TOX2: variants seen among roughly 807,000 people sequenced by gnomAD.
The protein encoded by TOX2 is granulosa cell HMG box 1.
TOX2 carries 15 observed loss-of-function variants against 47.4 expected under a neutral mutation model. The ratio of observed to expected loss-of-function variants is 0.32; its 90% confidence interval spans 0.21 to 0.49. The LOEUF (loss-of-function observed/expected upper bound fraction) is 0.49. Ranked by LOEUF, TOX2 falls within the 20% of genes least tolerant of loss-of-function variation. The pLI is 0.99. For synonymous variants in TOX2, 290 were observed against 296.6 expected (o/e 0.98, Z 0.23); for missense variants, 622 against 673.1 (o/e 0.92, Z 0.84).
chr20:43,932,777 C>CG (rs1569008758), intron 1 of TOX2, among the ~76,000 whole-genome samples: 10 of 139,506 alleles, frequency 7.2e-5, no homozygotes, highest in Admixed American at 2.1e-4. Context: ...GGTTGCTGCC[C>CG]CCCCCCGCCA....
intron 3 of TOX2, among the ~76,000 whole-genome samples, chr20:44,008,064 T>C (rs570527969): frequency 1.3e-4 from 20 of 152,066 alleles, no homozygotes; most frequent in Non-Finnish European, 2.8e-4. Context: ...AAAGAACCTT[T>C]CCCAGGTTGG....
intron 3 of TOX2, among the ~76,000 whole-genome samples, chr20:44,032,202 G>A (rs575262829): frequency 6.6e-6 from 1 of 152,212 alleles, no homozygotes; most frequent in Admixed American, 6.5e-5. Context: ...AGTATCCCCT[G>A]CTGGGTGGGG....
At chr20:43,969,366 T>C (rs2069920958) in intron 1 of TOX2, among the ~76,000 whole-genome samples, 1 of 152,204 alleles carries the variant, frequency 6.6e-6, no homozygotes, top group African/African-American at 2.4e-5. Flanking sequence ...TGGGTGTAGA[T>C]GTGGGTGTTT....
intron 1 of TOX2, among the ~76,000 whole-genome samples, chr20:43,943,213 G>A (rs2069423354): frequency 6.6e-6 from 1 of 152,164 alleles, no homozygotes; most frequent in African/African-American, 2.4e-5. Flanking sequence ...CCTGTGGATG[G>A]TACGATCACA....
At chr20:43,917,491 G>T (rs1468629848) in intron 1 of TOX2, among the ~76,000 whole-genome samples, 1 of 152,188 alleles carries the variant, frequency 6.6e-6, no homozygotes, top group Non-Finnish European at 1.5e-5. Flanking sequence ...GGCTCTGTCC[G>T]CAGACAAGAG....
intron 3 of TOX2, among the ~76,000 whole-genome samples, chr20:44,010,145 C>G (rs78734154): frequency 0.014 from 2,074 of 152,218 alleles, 61 homozygotes; most frequent in African/African-American, 0.048. Flanking sequence ...CAGTGTTTTC[C>G]CTTAAGTCTC....
At chr20:43,973,550 C>T in intron 2 of TOX2, 118 bp downstream of exon 2, 2 of 804,166 alleles carry the variant, frequency 2.5e-6, no homozygotes, top group South Asian at 3.0e-5. Context: ...CTGCTGTCTT[C>T]TCTCTGAATG....
chr20:44,006,894 A>G (rs936432829), intron 3 of TOX2, 102 bp downstream of exon 3: 2 of 1,457,108 alleles, frequency 1.4e-6, no homozygotes, highest in African/African-American at 1.4e-5. Flanking sequence ...CTCTCTGCTC[A>G]TGGGCAGGGT....
chr20:43,970,468 AG>A (rs1254016886), intron 1 of TOX2, among the ~76,000 whole-genome samples: 4 of 152,186 alleles, frequency 2.6e-5, no homozygotes, highest in African/African-American at 9.7e-5. Flanking sequence ...GACCATTCAA[AG>A]GTTTTTTGGA....
intron 2 of TOX2, 43 bp from the exon 3 acceptor site, chr20:44,006,504 G>C (rs773065390): frequency 3.2e-6 from 5 of 1,570,756 alleles, no homozygotes; most frequent in Non-Finnish European, 4.3e-6. Context: ...TTCTGCGGTT[G>C]TAAGGCACTG....
chr20:43,923,254 C>T (rs933296648), intron 1 of TOX2, among the ~76,000 whole-genome samples: 5 of 152,288 alleles, frequency 3.3e-5, no homozygotes, highest in Middle Eastern at 3.4e-3. Flanking sequence ...ACCAGGGGTA[C>T]GGTGCACAAG....
intron 3 of TOX2, among the ~76,000 whole-genome samples, chr20:44,022,561 A>G (rs527472804): frequency 6.6e-6 from 1 of 152,322 alleles, no homozygotes; most frequent in Admixed American, 6.5e-5. Context: ...GGATACCCAC[A>G]TGGTCTCACA....
At chr20:43,950,839 T>C (rs1386387845) in intron 1 of TOX2, among the ~76,000 whole-genome samples, 1 of 152,124 alleles carries the variant, frequency 6.6e-6, no homozygotes, top group African/African-American at 2.4e-5. Flanking sequence ...CCAGGGGTCT[T>C]TGTTCACTGC....
chr20:43,932,914 C>T (rs1028592285), intron 1 of TOX2, among the ~76,000 whole-genome samples: 2 of 152,126 alleles, frequency 1.3e-5, no homozygotes, highest in African/African-American at 2.4e-5. Flanking sequence ...ACACCTTCCC[C>T]GGGGTTGCTT....
intron 3 of TOX2, among the ~76,000 whole-genome samples, chr20:44,046,812 T>G (rs536042482): frequency 6.6e-6 from 1 of 152,334 alleles, no homozygotes; most frequent in South Asian, 2.1e-4. Context: ...TTGCAAAAAT[T>G]GATCATACTT....
At chr20:44,000,571 T>C (rs2070559321) in intron 2 of TOX2, among the ~76,000 whole-genome samples, 1 of 152,024 alleles carries the variant, frequency 6.6e-6, no homozygotes, top group Admixed American at 6.6e-5. Context: ...TGAGTCAGCA[T>C]TTCAGGGGAA....
intron 3 of TOX2, among the ~76,000 whole-genome samples, chr20:44,032,176 G>A (rs113576206): frequency 0.038 from 5,736 of 152,188 alleles, 183 homozygotes; most frequent in African/African-American, 0.086. Context: ...CAGTAGGTGA[G>A]GGAGGGAGCA....
At chr20:43,959,548 G>A (rs537512510) in intron 1 of TOX2, among the ~76,000 whole-genome samples, 3 of 152,104 alleles carry the variant, frequency 2.0e-5, no homozygotes, top group Non-Finnish European at 4.4e-5. Context: ...TTTTTGAACC[G>A]CTCCAAGATC....
intron 1 of TOX2, among the ~76,000 whole-genome samples, chr20:43,940,733 G>A (rs2069392861): frequency 6.6e-6 from 1 of 152,150 alleles, no homozygotes; most frequent in Admixed American, 6.5e-5. Flanking sequence ...AGTGGTCAGT[G>A]CTTTGCAGAG....
Sources: gnomAD v4.1 joint callset for allele counts (sites outside exome capture counted in the v4.1 genomes callset) on GRCh38, gnomAD v4.1.1 for gene constraint, MANE v1.5 for transcripts, NCBI Gene and HGNC (gene_info 2026-07-23, HGNC 2026-07-21) for gene names.